Variants in SNAPC4 observed in about 807,000 individuals in gnomAD.
The protein encoded by SNAPC4 is snRNA-activating protein complex subunit 4.
A neutral mutation model predicts 151.3 loss-of-function variants in SNAPC4; 127 were observed. The ratio of observed to expected loss-of-function variants is 0.84; its 90% CI spans 0.73 to 0.97. SNAPC4 has a LOEUF of 0.97. Ranked by LOEUF, SNAPC4 falls within the 50% of genes least tolerant of loss-of-function variation. SNAPC4 has a pLI of 0.00. For synonymous variants in SNAPC4, 1,002 were observed against 824.4 expected, an observed-to-expected ratio of 1.22 and a Z score of -3.69; for missense variants, 2,186 against 1,935.0, an observed-to-expected ratio of 1.13 and a Z score of -2.43.
rs763147167 is a variant in SNAPC4, at chr9:136,383,169, C to T, written c.1983+17G>A. 6.6e-7 allele frequency: 1 copy of T among 1,518,864 alleles called. No homozygotes were observed. The highest frequency in any genetic ancestry group is 8.8e-7 in the Non-Finnish European group (1 of 1,135,430). 94.1% of individuals were successfully genotyped at this position (1,518,864 alleles called of 1,614,324 possible). A position where few individuals can be genotyped will look rare whatever the true frequency, so the allele number is the denominator to read the frequency against. On this transcript the variant is annotated intron_variant, in intron 16 of 23. Coordinates refer to ENST00000684778, the MANE Select transcript of SNAPC4 (RefSeq NM_003086.4). The surrounding 1 kb of genome is among the most constrained non-coding windows in gnomAD (Gnocchi z 4.2). ...CGAAAGTGCACTTCCCGTGGTACACCCAGGGCCGGGGCCTACCTCCAGGGC... is the reference window on the plus strand; with the variant it reads ...CGAAAGTGCACTTCCCGTGGTACACTCAGGGCCGGGGCCTACCTCCAGGGC...
At position 136,395,270 on chromosome 9, in the gene SNAPC4, C is replaced by T. The variant is rs757165140; in HGVS notation, c.471+28G>A. ...CCCTTCCCACGGTGCAGAGCCTTGC[C>T]GACAAGAGCAGGGCCTCGGCCACTC... On this transcript the variant is annotated intron_variant, in intron 5 of 23. Coordinates refer to ENST00000684778, the MANE Select transcript of SNAPC4 (RefSeq NM_003086.4). 16 of 1,607,028 alleles carry T rather than the reference C, an allele frequency of 1.0e-5. No individual in the cohort carries two copies. In the Middle Eastern group the frequency reaches 5.0e-4, roughly 50 times the overall value.
At chr9:136,387,335 C>T (rs1002074358) in intron 13 of SNAPC4, 150 bp downstream of exon 13, 9 of 692,166 alleles carry the variant, frequency 1.3e-5, no homozygotes, top group Non-Finnish European at 2.4e-5. Flanking sequence ...CCACAGCCCA[C>T]ACCAGAGTGC....
chr9:136,392,390 C>G lies in SNAPC4; in HGVS notation c.810+132G>C, dbSNP rs80229337. The G allele has an allele frequency of 1.2e-4, 115 of 945,228 alleles. 1 individual carries two copies. The East Asian group carries it at 2.4e-3, about 20-fold the overall frequency. The allele number at this position is 945,228 out of a possible 1,614,324, so 58.6% of individuals were successfully genotyped here. On this transcript the variant is annotated intron_variant, in intron 9 of 23. Coordinates refer to ENST00000684778, the MANE Select transcript of SNAPC4 (RefSeq NM_003086.4). ...CCGACTGTGGGACATGTGCTTGACC[C>G]GGGTGGGTGGGGGGTCACAGCAGAA...
At chr9:136,382,165 T>C in intron 17 of SNAPC4, 88 bp downstream of exon 17, 1 of 1,581,826 alleles carries the variant, frequency 6.3e-7, no homozygotes, top group Non-Finnish European at 8.6e-7. Flanking sequence ...TCCACCCCCA[T>C]CAGGGCATGA....
At chr9:136,397,145 A>C (rs1834302223) in intron 2 of SNAPC4, 122 bp from the exon 3 acceptor site, 4 of 873,896 alleles carry the variant, frequency 4.6e-6, no homozygotes. Flanking sequence ...CCTCAGGCTG[A>C]GGCTGGCGGT....
intron 13 of SNAPC4, among the ~76,000 whole-genome samples, chr9:136,385,764 C>T (rs1238010779): frequency 1.3e-5 from 2 of 152,124 alleles, no homozygotes; most frequent in Non-Finnish European, 2.9e-5. Flanking sequence ...CCATATTGGC[C>T]AGGCTGGTCT....
rs1050738304 is a variant in SNAPC4, at chr9:136,387,069, C to T, written c.1325+416G>A. ...TTCGGAAATATACACTTTAAATGAA[C>T]GCATCGCATGGTGTGTGAATTATCT... is the stretch of plus-strand genomic sequence containing the variant. On this transcript the variant is annotated intron_variant, in intron 13 of 23. Transcript: ENST00000684778. Among the ~76,000 whole-genome samples the T allele has an allele frequency of 3.9e-5, 6 of 152,360 alleles. No individual in the cohort carries two copies. The East Asian group carries it at 9.6e-4, about 24-fold the overall frequency.
At chr9:136,393,506 G>A (rs976202805) in intron 7 of SNAPC4, among the ~76,000 whole-genome samples, 1 of 152,230 alleles carries the variant, frequency 6.6e-6, no homozygotes, top group African/African-American at 2.4e-5. Context: ...TATCAAGTGC[G>A]GACAGTAAGG....
intron 11 of SNAPC4, 78 bp downstream of exon 11, chr9:136,388,363 TGAA>T: frequency 2.7e-6 from 4 of 1,458,682 alleles, no homozygotes; most frequent in Non-Finnish European, 3.8e-6. Flanking sequence ...TGCTTCTCTG[TGAA>T]TTTTCCCTGC....
chr9:136,378,397 G>A lies in SNAPC4; in HGVS notation c.3430C>T (p.Pro1144Ser), dbSNP rs141588170. Residue 1144 changes from proline (P) to serine (S), a missense_variant, in exon 22 of 24, where the codon CCG becomes TCG. Coordinates refer to ENST00000684778, the MANE Select transcript of SNAPC4 (RefSeq NM_003086.4). ...WQPPANMNRE[P>S]EPSCRTDTPA... is the part of the protein sequence containing the mutation. ...GTGTCTGTCCTGCAGGAAGGCTCCG[G>A]TTCCCTGTTCATATTGGCTGGGGGC... 11 of 1,608,488 alleles carry A rather than the reference G, an allele frequency of 6.8e-6. No homozygotes were observed. Among genetic ancestry groups the A allele is most frequent in the East Asian group, 2.2e-5 (1 of 44,812 alleles).
chr9:136,384,069 A>G, intron 14 of SNAPC4, 37 bp from the exon 15 acceptor site: 1 of 1,573,632 alleles, frequency 6.4e-7, no homozygotes, highest in Non-Finnish European at 8.7e-7. Context: ...GCCTTCATCC[A>G]AAGATTCTTC....
intron 10 of SNAPC4, among the ~76,000 whole-genome samples, chr9:136,390,826 GTATT>G (rs915658104): frequency 4.6e-5 from 7 of 151,408 alleles, no homozygotes; most frequent in South Asian, 2.1e-4. Flanking sequence ...AAACCGATTT[GTATT>G]TATTTATTTA....
Position 136,395,690 on chromosome 9 carries a change from G to A in SNAPC4, c.258C>T (p.Cys86=). 1 of 1,613,440 alleles carries A rather than the reference G, an allele frequency of 6.2e-7. No homozygotes were observed. Among genetic ancestry groups the A allele is most frequent in the South Asian group, 1.1e-5 (1 of 91,090 alleles). ...CCTGGTAGACCATGTTCAGCTGCAG[G>A]CAGGTTTCTGGGTCTTCAGGGAGGG... ...DKTLPEDPET[C]LQLNMVYQEV... is the part of the protein sequence containing the mutation. Residue 86 remains cysteine (C), a synonymous_variant, in exon 4 of 24, where the codon TGC becomes TGT. Coordinates refer to ENST00000684778, the MANE Select transcript of SNAPC4 (RefSeq NM_003086.4).
At position 136,394,450 on chromosome 9, in the gene SNAPC4, G is replaced by C; in HGVS notation, c.551-120C>G. 20 of 839,060 alleles carry C rather than the reference G, an allele frequency of 2.4e-5. 1 individual carries two copies. The South Asian group carries it at 2.4e-4, about 10-fold the overall frequency. 52.0% of individuals were successfully genotyped at this position (839,060 alleles called of 1,614,324 possible). ...GGGCCCCACAGCGAGTAAGCAGCACGCCAGACCTACTGACGTGGCCCCTCC... is the reference window on the plus strand; with the variant it reads ...GGGCCCCACAGCGAGTAAGCAGCACCCCAGACCTACTGACGTGGCCCCTCC... On this transcript the variant is annotated intron_variant, in intron 6 of 23. Coordinates refer to ENST00000684778, the MANE Select transcript of SNAPC4 (RefSeq NM_003086.4).
chr9:136,377,866 T>C lies in SNAPC4; in HGVS notation c.3961A>G (p.Lys1321Glu). The change falls in exon 22 of 24, where the codon AAG becomes GAG. Residue 1321 changes from lysine to glutamate, a missense_variant. Physicochemically the swap from Lys to Glu is moderately conservative, Grantham distance 56. Coordinates refer to ENST00000684778, the MANE Select transcript of SNAPC4 (RefSeq NM_003086.4). The part of the protein sequence containing the change: ...LRALSGLLLH[K>E]KALEHKATSL... ...GTGGCCTTGTGCTCCAGGGCCTTCT[T>C]GTGGAGTAGGAGACCGGACAGAGCT... 3 of 1,611,470 alleles carry C rather than the reference T, an allele frequency of 1.9e-6. No individual in the cohort carries two copies. The highest frequency in any genetic ancestry group is 2.5e-6 in the Non-Finnish European group (3 of 1,179,744).
Position 136,394,810 on chromosome 9 carries a change from A to G in SNAPC4, c.540T>C (p.Leu180=), listed in dbSNP as rs2131512511. Reference sequence around the variant, plus strand: ...GGCCAGGGCTCTTACATTTGGTCACAAGGAGCTCCTCGAAAGCCTTGATCC... The same window carrying G: ...GGCCAGGGCTCTTACATTTGGTCACGAGGAGCTCCTCGAAAGCCTTGATCC... ...AQGIKAFEEL[L]VTKWKNWEKA... Residue 180 remains leucine, a synonymous_variant, in exon 6 of 24, where the codon CTT becomes CTC. Coordinates refer to ENST00000684778, the MANE Select transcript of SNAPC4 (RefSeq NM_003086.4). 5 of 1,613,836 alleles carry G rather than the reference A, an allele frequency of 3.1e-6. No individual in the cohort carries two copies. Among genetic ancestry groups the G allele is most frequent in the Non-Finnish European group, 4.2e-6 (5 of 1,179,946 alleles).
rs771222545 is a variant in SNAPC4 at position 136,384,739 on chromosome 9, T to G, written c.1401A>C (p.Leu467Phe). The change falls in exon 14 of 24, where the codon TTA becomes TTC. Residue 467 changes from leucine to phenylalanine, a missense_variant. Leu to Phe is a conservative substitution (Grantham distance 22, BLOSUM62 0). Coordinates refer to ENST00000684778, the MANE Select transcript of SNAPC4 (RefSeq NM_003086.4). ...ACTTACCGACACCATATTTTTCTAT[T>G]AATTCAATTAACTGTTCCTCTTCTT... ...NLKEEEQLIE[L>F]IEKYGVGHWA... The G allele has an allele frequency of 4.3e-5, 66 of 1,549,814 alleles. No homozygotes were observed. The highest frequency in any genetic ancestry group is 5.5e-5 in the Non-Finnish European group (62 of 1,131,562).
chr9:136,377,553 C>T lies in SNAPC4; in HGVS notation c.4274G>A (p.Cys1425Tyr), dbSNP rs1421954133. 6.6e-7 allele frequency: 1 copy of T among 1,516,496 alleles called. No homozygotes were observed. The highest frequency in any genetic ancestry group is 1.8e-4 in the Middle Eastern group (1 of 5,588). 93.9% of individuals were successfully genotyped at this position (1,516,496 alleles called of 1,614,324 possible). ...GGGCGCCCACCCTACCTGAATGGGG[C>T]ATGTGGCTGTCGTGCAGCCCGGCTG... ...DGQPGCTTAT[C>Y]PIQGAPDSGK... Residue 1425 changes from cysteine to tyrosine, a missense_variant, in exon 22 of 24, where the codon TGC (cysteine) becomes TAC (tyrosine). Coordinates refer to ENST00000684778, the MANE Select transcript of SNAPC4 (RefSeq NM_003086.4).
chr9:136,382,060 C>T lies in SNAPC4; in HGVS notation c.2081G>A (p.Arg694Lys). 1 of 1,589,106 alleles carries T rather than the reference C, an allele frequency of 6.3e-7. No individual in the cohort carries two copies. Among genetic ancestry groups the T allele is most frequent in the Non-Finnish European group, 8.6e-7 (1 of 1,168,162 alleles). Reference sequence around the variant, plus strand: ...GGATGAGGTGGGCAGGGGTGGCTGCCTCAGCTGCTCTTTCTGTAAGGAGAA... The same window carrying T: ...GGATGAGGTGGGCAGGGGTGGCTGCTTCAGCTGCTCTTTCTGTAAGGAGAA... ...ARSCTQKEQL[R>K]QPPLPTSSPG... is the part of the protein sequence containing the mutation. Residue 694 changes from arginine to lysine, a missense_variant, in exon 18 of 24, where the codon AGG becomes AAG. Physicochemically the swap from Arg to Lys is conservative, Grantham distance 26 (BLOSUM62 2). Coordinates refer to ENST00000684778, the MANE Select transcript of SNAPC4 (RefSeq NM_003086.4).
Sources: allele counts gnomAD v4.1 joint callset (sites outside exome capture counted in the v4.1 genomes callset), GRCh38; gene constraint gnomAD v4.1.1; non-coding constraint Gnocchi (gnomAD v3.1); transcripts MANE v1.5; gene names NCBI Gene and HGNC (gene_info 2026-07-23, HGNC 2026-07-21).